Variants in HMGB1 observed in about 807,000 individuals in gnomAD.
HMGB1 encodes high mobility group protein B1.
For synonymous variants in HMGB1, 81 were observed against 84.0 expected (o/e 0.96, Z 0.19); for missense variants, 79 against 253.5 (o/e 0.31, Z 4.67).
chr13:30,616,325 T>C (rs556476634), intron 1 of HMGB1, among the ~76,000 whole-genome samples: 2 of 152,398 alleles, frequency 1.3e-5, no homozygotes, highest in South Asian at 2.1e-4. Context: ...AGACTAAAAT[T>C]CAACTTTGCA....
chr13:30,463,209 A>G lies in HMGB1; in HGVS notation c.294T>C (p.Pro98=). 2 of 1,600,428 alleles carry G rather than the reference A, an allele frequency of 1.2e-6. No individual in the cohort carries two copies. The highest frequency in any genetic ancestry group is 1.7e-6 in the Non-Finnish European group (2 of 1,177,380). ...GTAAAAACAGGCAAGATACTCACGG[A>G]GGCCTCTTGGGTGCATTGGGATCCT... ...KFKDPNAPKR[P]PSAFFLFCSE... is the part of the protein sequence containing the mutation. Residue 98 remains proline, a splice_region_variant and synonymous_variant, in exon 3 of 5, where the codon CCT becomes CCC. Coordinates refer to ENST00000341423, the MANE Select transcript of HMGB1 (RefSeq NM_002128.7).
At chr13:30,555,186 C>G (rs1056495429) in intron 1 of HMGB1, among the ~76,000 whole-genome samples, 2 of 151,752 alleles carry the variant, frequency 1.3e-5, no homozygotes, top group South Asian at 2.1e-4. Flanking sequence ...GGAATACAGG[C>G]GCCCGCCACC....
chr13:30,492,958 T>C (rs567824652), intron 1 of HMGB1, among the ~76,000 whole-genome samples: 7 of 120,714 alleles, frequency 5.8e-5, no homozygotes, highest in African/African-American at 2.3e-4. Flanking sequence ...GCCACTGCAC[T>C]CCAGCCTGGC....
At chr13:30,526,886 G>A (rs778103838) in intron 1 of HMGB1, among the ~76,000 whole-genome samples, 1 of 152,260 alleles carries the variant, frequency 6.6e-6, no homozygotes, top group African/African-American at 2.4e-5. Flanking sequence ...ACTTGGCACT[G>A]TTTTGTCTCA....
Position 30,498,340 on chromosome 13 carries a change from C to A in HMGB1, c.-14-34646G>T, listed in dbSNP as rs1450898169. The stretch of plus-strand genomic sequence containing the variant: ...ATCTCAAAATATATCCTCCCAAGGT[C>A]AATTAAGACTTTTTGTTGGACAAGT... On this transcript the variant is annotated intron_variant, in intron 1 of 4. Transcript: ENST00000405805. Among the ~76,000 whole-genome samples the A allele has an allele frequency of 2.0e-5, 3 of 152,048 alleles. No individual in the cohort carries two copies. In the East Asian group the frequency reaches 5.8e-4, roughly 29 times the overall value.
At chr13:30,462,374 C>T in intron 4 of HMGB1, 164 bp downstream of exon 4, 1 of 740,476 alleles carries the variant, frequency 1.4e-6, no homozygotes, top group Non-Finnish European at 2.5e-6. Flanking sequence ...GTCAAAAAAA[C>T]CCTAATTTAT....
At chr13:30,502,639 CTTTAT>C (rs1887759215) in intron 1 of HMGB1, among the ~76,000 whole-genome samples, 2 of 150,894 alleles carry the variant, frequency 1.3e-5, no homozygotes, top group African/African-American at 4.9e-5. Context: ...TTTTACTTTA[CTTTAT>C]TTTATTTATT....
chr13:30,462,368 A>T (rs1266270901), intron 4 of HMGB1, 170 bp downstream of exon 4: 1 of 729,458 alleles, frequency 1.4e-6, no homozygotes, highest in Non-Finnish European at 2.5e-6. Flanking sequence ...ATTTTAGTCA[A>T]AAAAACCCTA....
intron 1 of HMGB1, among the ~76,000 whole-genome samples, chr13:30,514,052 C>T (rs1888049377): frequency 6.6e-6 from 1 of 151,870 alleles, no homozygotes; most frequent in Admixed American, 6.6e-5. Context: ...CTGGCCTTCC[C>T]AAATTTCATC....
At chr13:30,592,934 T>G (rs1871433044) in intron 1 of HMGB1, among the ~76,000 whole-genome samples, 1 of 151,844 alleles carries the variant, frequency 6.6e-6, no homozygotes, top group African/African-American at 2.4e-5. Context: ...AATTCAAGAA[T>G]TCAAGCATTG....
intron 1 of HMGB1, among the ~76,000 whole-genome samples, chr13:30,561,313 G>A (rs1869942007): frequency 6.6e-6 from 1 of 152,154 alleles, no homozygotes; most frequent in African/African-American, 2.4e-5. Context: ...GGAGGTAGCT[G>A]AGATCACCTA....
At chr13:30,508,891 C>A (rs1238922831) in intron 1 of HMGB1, among the ~76,000 whole-genome samples, 2 of 152,194 alleles carry the variant, frequency 1.3e-5, no homozygotes, top group Non-Finnish European at 2.9e-5. Flanking sequence ...AGTTCCTGAT[C>A]AGATACACCT....
At chr13:30,609,121 G>A (rs552726146) in intron 1 of HMGB1, among the ~76,000 whole-genome samples, 7 of 152,100 alleles carry the variant, frequency 4.6e-5, no homozygotes, top group Non-Finnish European at 7.4e-5. Flanking sequence ...AAATTAGCCC[G>A]GCGTAGTGGT....
chr13:30,588,525 T>C (rs1871247713), intron 1 of HMGB1, among the ~76,000 whole-genome samples: 1 of 152,126 alleles, frequency 6.6e-6, no homozygotes, highest in Admixed American at 6.5e-5. Flanking sequence ...AATGGGAAAC[T>C]GCATGGTTAA....
At chr13:30,463,388 A>AT in intron 2 of HMGB1, 36 bp from the exon 3 acceptor site, 1 of 1,564,314 alleles carries the variant, frequency 6.4e-7, no homozygotes, top group African/African-American at 1.4e-5. Flanking sequence ...AAGTTGTAAC[A>AT]TTTAAGTAAA....
At chr13:30,597,441 G>A (rs959076862) in intron 1 of HMGB1, among the ~76,000 whole-genome samples, 10 of 152,184 alleles carry the variant, frequency 6.6e-5, no homozygotes, top group African/African-American at 1.7e-4. Flanking sequence ...CTTCAGAACC[G>A]TAAGAAAATA....
At chr13:30,505,395 G>A (rs558015207) in intron 1 of HMGB1, among the ~76,000 whole-genome samples, 6 of 151,274 alleles carry the variant, frequency 4.0e-5, no homozygotes, top group East Asian at 1.9e-4. Context: ...AGCCAGGATG[G>A]TCTCCATCTC....
chr13:30,613,911 A>C (rs966738358), intron 1 of HMGB1, among the ~76,000 whole-genome samples: 9 of 152,092 alleles, frequency 5.9e-5, no homozygotes, highest in African/African-American at 1.7e-4. Flanking sequence ...AAAAACACCT[A>C]AATGTTCAAA....
chr13:30,494,234 T>A (rs1887561311), intron 1 of HMGB1, among the ~76,000 whole-genome samples: 1 of 152,216 alleles, frequency 6.6e-6, no homozygotes, highest in South Asian at 2.1e-4. Flanking sequence ...AGCTTGGCAA[T>A]CACCTTTACT....
Sources: gnomAD v4.1 joint callset for allele counts (sites outside exome capture counted in the v4.1 genomes callset) on GRCh38, gnomAD v4.1.1 for gene constraint, MANE v1.5 for transcripts, NCBI Gene and HGNC (gene_info 2026-07-23, HGNC 2026-07-21) for gene names.